PDE4D: variants seen among roughly 807,000 people sequenced by gnomAD.
PDE4D encodes phosphodiesterase 4D.
Under a neutral mutation model 87.4 loss-of-function variants are expected in PDE4D, and 24 were observed. That is an observed-to-expected ratio of 0.27 (90% confidence interval 0.20 to 0.39). The LOEUF (loss-of-function observed/expected upper bound fraction) is 0.39, where lower values mean the gene tolerates loss of function less well. Among genes scored for constraint, PDE4D ranks in the 10% least tolerant of loss-of-function variants. The probability of loss-of-function intolerance (pLI) is 1.00; values close to 1 mark genes in which losing one functional copy is unlikely to be tolerated. For missense variants in PDE4D, 714 were observed against 1,041.0 expected (o/e 0.69, Z 4.32); for synonymous variants, 384 against 383.2 (o/e 1.00, Z -0.02).
rs574019577 is a variant in PDE4D at position 60,147,381 on chromosome 5, C to T, written c.42+38176G>A. On this transcript the variant is annotated intron_variant, in intron 2 of 16. Transcript: ENST00000502484. ...CCAAGTGCTGGCGGTGAATGGGCCA[C>T]GCTGCATTCATTATTTACCAACAAG... 7.9e-5 allele frequency among the ~76,000 whole-genome samples: 12 copies of T among 152,144 alleles called. No individual in the cohort carries two copies. The East Asian group carries it at 1.7e-3, about 22-fold the overall frequency.
intron 1 of PDE4D, among the ~76,000 whole-genome samples, chr5:60,282,346 G>C (rs903804601): frequency 6.6e-6 from 1 of 151,728 alleles, no homozygotes; most frequent in Non-Finnish European, 1.5e-5. Flanking sequence ...AGATTGAAGA[G>C]TGCATTAGCA....
chr5:60,252,683 C>T (rs952909438), intron 1 of PDE4D, among the ~76,000 whole-genome samples: 2 of 151,768 alleles, frequency 1.3e-5, no homozygotes, highest in Non-Finnish European at 2.9e-5. Context: ...GACTTTTACT[C>T]CTATGGAAAG....
At chr5:59,259,860 C>G (rs1307988700) in intron 1 of PDE4D, among the ~76,000 whole-genome samples, 1 of 151,794 alleles carries the variant, frequency 6.6e-6, no homozygotes, top group Admixed American at 6.6e-5. Context: ...CAGAAATTCA[C>G]ATATTGCAAA....
intron 1 of PDE4D, chr5:60,522,000 G>A (rs1316887753): frequency 6.6e-6 from 1 of 151,272 alleles, no homozygotes; most frequent in African/African-American, 2.4e-5. Context: ...AGCAACTAAA[G>A]GGCAAGCTTC....
At chr5:59,895,683 G>T (rs1751559974), upstream of PDE4D, among the ~76,000 whole-genome samples, 1 of 152,174 alleles carries the variant, frequency 6.6e-6, no homozygotes, top group African/African-American at 2.4e-5. Flanking sequence ...TTTTAAAGAA[G>T]TACACAAATT....
At chr5:59,813,032 A>T (rs913444334) in intron 1 of PDE4D, among the ~76,000 whole-genome samples, 7 of 152,362 alleles carry the variant, frequency 4.6e-5, no homozygotes, top group Non-Finnish European at 8.8e-5. Context: ...TACCTGGAAG[A>T]CTTGCTGTAA....
chr5:60,373,583 G>C (rs886217899), intron 1 of PDE4D, among the ~76,000 whole-genome samples: 8 of 152,078 alleles, frequency 5.3e-5, no homozygotes, highest in African/African-American at 1.9e-4. Context: ...ACAACTGTCA[G>C]GCTCTTCAGA....
At chr5:60,331,516 G>A (rs1757305362) in intron 1 of PDE4D, among the ~76,000 whole-genome samples, 1 of 152,170 alleles carries the variant, frequency 6.6e-6, no homozygotes, top group Admixed American at 6.5e-5. Flanking sequence ...CTGCCCCTTG[G>A]CCTCCCTTTG....
chr5:59,647,733 A>C (rs1028278967), intron 1 of PDE4D, among the ~76,000 whole-genome samples: 2 of 152,198 alleles, frequency 1.3e-5, no homozygotes, highest in African/African-American at 4.8e-5. Context: ...AAAATTATAT[A>C]TATGTGTTCA....
upstream of PDE4D, among the ~76,000 whole-genome samples, chr5:59,895,946 T>C (rs1310525515): frequency 6.6e-6 from 1 of 152,250 alleles, no homozygotes; most frequent in East Asian, 1.9e-4. Flanking sequence ...GTTTTGTTTT[T>C]ACTATGTAAT....
chr5:60,131,210 C>T (rs982678499), intron 2 of PDE4D, among the ~76,000 whole-genome samples: 1 of 151,970 alleles, frequency 6.6e-6, no homozygotes, highest in East Asian at 1.9e-4. Flanking sequence ...GCTTTGTTTT[C>T]GCTTCTGTTG....
chr5:60,265,033 T>C (rs1482659512), intron 1 of PDE4D, among the ~76,000 whole-genome samples: 4 of 152,082 alleles, frequency 2.6e-5, no homozygotes, highest in Non-Finnish European at 5.9e-5. Flanking sequence ...GGTTGAAAAG[T>C]GGAAATATAG....
intron 1 of PDE4D, among the ~76,000 whole-genome samples, chr5:59,725,984 G>A (rs572534688): frequency 2.0e-5 from 3 of 152,150 alleles, no homozygotes; most frequent in East Asian, 3.9e-4. Flanking sequence ...CCACCCTAAG[G>A]ACTGCTATGA....
intron 1 of PDE4D, among the ~76,000 whole-genome samples, chr5:59,388,977 C>A (rs1787683390): frequency 6.6e-6 from 1 of 151,956 alleles, no homozygotes; most frequent in South Asian, 2.1e-4. Flanking sequence ...TACCCCCAAA[C>A]CTTCTAGACT....
Position 60,460,003 on chromosome 5 carries a change from A to G in PDE4D, c.-90+27939T>C, listed in dbSNP as rs114809346. 8.9e-4 allele frequency: 894 copies of G among 1,006,472 alleles called. 6 individuals are homozygous for G. The African/African-American group carries it at 0.013, about 15-fold the overall frequency. 62.3% of individuals were successfully genotyped at this position (1,006,472 alleles called of 1,614,324 possible). The stretch of plus-strand genomic sequence containing the variant: ...TTCTCATTCTGCTTCTTCATCATCC[A>G]TATCGGGAACCAAGTAGTACTGTAA... On this transcript the variant is annotated intron_variant, in intron 1 of 16. Coordinates refer to the PDE4D transcript ENST00000502484.
chr5:59,011,174 A>T (rs1488053669), intron 6 of PDE4D, among the ~76,000 whole-genome samples: 3 of 152,174 alleles, frequency 2.0e-5, no homozygotes, highest in African/African-American at 7.2e-5. Context: ...GGTAGATAAA[A>T]CCACAAAGAT....
intron 2 of PDE4D, among the ~76,000 whole-genome samples, chr5:60,015,635 AT>A (rs921475199): frequency 2.0e-5 from 3 of 152,110 alleles, no homozygotes; most frequent in Admixed American, 2.0e-4. Flanking sequence ...CCGTGAAACT[AT>A]TTTTTAGATG....
intron 1 of PDE4D, among the ~76,000 whole-genome samples, chr5:59,446,913 TA>T (rs1426581646): frequency 2.0e-5 from 3 of 152,232 alleles, no homozygotes; most frequent in Admixed American, 6.5e-5. Context: ...GATTTTAACA[TA>T]ATTGCTAAAA....
At chr5:59,917,174 T>C (rs73099587) in intron 3 of PDE4D, among the ~76,000 whole-genome samples, 3,462 of 152,016 alleles carry the variant, frequency 0.023, 137 homozygotes, top group African/African-American at 0.08. Flanking sequence ...AATGTATAGA[T>C]TGAATTCTAC....
Sources: gnomAD v4.1 joint callset for allele counts (sites outside exome capture counted in the v4.1 genomes callset) on GRCh38, gnomAD v4.1.1 for gene constraint, MANE v1.5 for transcripts, NCBI Gene and HGNC (gene_info 2026-07-23, HGNC 2026-07-21) for gene names.